Variants in TMEM196 observed in about 807,000 individuals in gnomAD.
The protein encoded by TMEM196 is transmembrane protein 196.
TMEM196 carries 17 observed loss-of-function variants against 20.0 expected under a neutral mutation model. That is an observed-to-expected ratio of 0.85 (90% CI 0.58 to 1.27). The LOEUF (loss-of-function observed/expected upper bound fraction) is 1.27, where lower values mean the gene tolerates loss of function less well. Ranked by LOEUF, TMEM196 falls within the 50% of genes most tolerant of loss-of-function variation. TMEM196 has a pLI of 0.00. For synonymous variants in TMEM196, 113 were observed against 88.9 expected, an observed-to-expected ratio of 1.27 and a Z score of -1.52; for missense variants, 267 against 223.0, an observed-to-expected ratio of 1.20 and a Z score of -1.26.
At chr7:19,735,456 C>T (rs889730262) in intron 1 of TMEM196, among the ~76,000 whole-genome samples, 2 of 152,134 alleles carry the variant, frequency 1.3e-5, no homozygotes, top group Admixed American at 6.5e-5. Flanking sequence ...CTCTGTCTCC[C>T]GCTCTTTCTT....
At chr7:19,746,865 G>C (rs1191676479) in intron 1 of TMEM196, among the ~76,000 whole-genome samples, 3 of 152,216 alleles carry the variant, frequency 2.0e-5, no homozygotes, top group African/African-American at 7.2e-5. Flanking sequence ...ACCTCAGCAG[G>C]AAGGAATTAT....
chr7:19,748,106 T>C (rs10239464), intron 1 of TMEM196, among the ~76,000 whole-genome samples: 2 of 151,960 alleles, frequency 1.3e-5, no homozygotes, highest in Non-Finnish European at 2.9e-5. Context: ...TTATTTATTA[T>C]GATTATGATT....
intron 1 of TMEM196, among the ~76,000 whole-genome samples, chr7:19,735,675 C>T (rs72591448): frequency 0.13 from 19,998 of 152,044 alleles, 1,848 homozygotes; most frequent in East Asian, 0.54. Context: ...TTCTATTAGC[C>T]GGCAGGGAGA....
chr7:19,758,617 G>T (rs1785309897), intron 1 of TMEM196, among the ~76,000 whole-genome samples: 1 of 152,148 alleles, frequency 6.6e-6, no homozygotes. Flanking sequence ...GATGAATTTA[G>T]AATAAATTAT....
intron 1 of TMEM196, among the ~76,000 whole-genome samples, chr7:19,768,912 T>G (rs1375861493): frequency 1.3e-5 from 2 of 152,206 alleles, no homozygotes; most frequent in Non-Finnish European, 2.9e-5. Flanking sequence ...AAGCCATCTT[T>G]CAGGTTTTTG....
At chr7:19,744,537 A>C in intron 1 of TMEM196, among the ~76,000 whole-genome samples, 1 of 151,992 alleles carries the variant, frequency 6.6e-6, no homozygotes, top group East Asian at 1.9e-4. Flanking sequence ...ATTTGGGAGC[A>C]TAAAAAACAT....
chr7:19,762,492 A>G (rs1466326308), intron 1 of TMEM196, among the ~76,000 whole-genome samples: 1 of 152,098 alleles, frequency 6.6e-6, no homozygotes, highest in African/African-American at 2.4e-5. Flanking sequence ...TATAGTTCAT[A>G]ATAACAATTT....
Position 19,721,647 on chromosome 7 carries a change from A to G in TMEM196, c.*481T>C, listed in dbSNP as rs1783816149. On this transcript the variant is annotated 3_prime_UTR_variant, in exon 5 of 5. Transcript: ENST00000405844. ...CATTACTGAGGTTTTGAATTGTAGC[A>G]TCCTTGAAGCCATCTGTCTTTCAGA... The G allele has an allele frequency of 6.5e-6, 1 of 152,776 alleles. No homozygotes were observed. Among genetic ancestry groups the G allele is most frequent in the Non-Finnish European group, 1.5e-5 (1 of 68,430 alleles). The allele number at this position is 152,776 out of a possible 1,614,324, so 9.5% of individuals were successfully genotyped here.
chr7:19,753,375 C>G (rs1342759611), intron 1 of TMEM196, among the ~76,000 whole-genome samples: 2 of 152,076 alleles, frequency 1.3e-5, no homozygotes, highest in African/African-American at 4.8e-5. Context: ...ATTTTCTTAC[C>G]CCTTCCCAAA....
chr7:19,726,394 A>T (rs6979824), intron 2 of TMEM196, among the ~76,000 whole-genome samples: 29,438 of 151,650 alleles, frequency 0.19, 2,960 homozygotes, highest in East Asian at 0.27. Flanking sequence ...CTCTTTTTTT[A>T]AAAAAAAGTT....
chr7:19,721,362 A>G lies in TMEM196; in HGVS notation c.*766T>C, dbSNP rs10266162. 27,085 of 151,932 alleles carry G rather than the reference A, an allele frequency of 0.18. 3,195 individuals are homozygous for G. The highest frequency in any genetic ancestry group is 0.58 in the East Asian group (3,013 of 5,174). The allele number at this position is 151,932 out of a possible 1,614,324, so 9.4% of individuals were successfully genotyped here. A position where few individuals can be genotyped will look rare whatever the true frequency, so the allele number is the denominator to read the frequency against. ...ACAGTATGTATACACACATTCACAC[A>G]CATACTTTATTCTTAGGCTCATTCA... On this transcript the variant is annotated 3_prime_UTR_variant, in exon 5 of 5. Coordinates refer to ENST00000405844, the MANE Select transcript of TMEM196 (RefSeq NM_001363562.2).
At chr7:19,745,069 T>C (rs993422717) in intron 1 of TMEM196, among the ~76,000 whole-genome samples, 2 of 152,164 alleles carry the variant, frequency 1.3e-5, no homozygotes, top group African/African-American at 4.8e-5. Context: ...AAGTCCCTTA[T>C]GTAACAAGGC....
Position 19,731,236 on chromosome 7 carries a change from T to A in TMEM196, c.148-1798A>T, listed in dbSNP as rs545820613. Among the ~76,000 whole-genome samples the A allele has an allele frequency of 2.0e-5, 3 of 152,294 alleles. No individual in the cohort carries two copies. In the South Asian group the frequency reaches 6.2e-4, roughly 32 times the overall value. ...TACTTTAGAAATAGATCTAATAAAA[T>A]ATTTTTAGTATTATAAAACCATGAG... On this transcript the variant is annotated intron_variant, in intron 1 of 4. Transcript: ENST00000405844.
intron 1 of TMEM196, among the ~76,000 whole-genome samples, chr7:19,746,161 G>T (rs1784742918): frequency 6.6e-6 from 1 of 152,132 alleles, no homozygotes; most frequent in African/African-American, 2.4e-5. Context: ...CAATGGAAAG[G>T]AGTTATATAG....
At chr7:19,738,154 AC>A (rs1247590814) in intron 1 of TMEM196, among the ~76,000 whole-genome samples, 1 of 152,068 alleles carries the variant, frequency 6.6e-6, no homozygotes, top group African/African-American at 2.4e-5. Flanking sequence ...GTTGTTTCCT[AC>A]AGGGTTACTG....
At chr7:19,726,705 T>C (rs1453780131) in intron 2 of TMEM196, among the ~76,000 whole-genome samples, 2 of 152,188 alleles carry the variant, frequency 1.3e-5, no homozygotes, top group Non-Finnish European at 2.9e-5. Flanking sequence ...GAGAAGTAAG[T>C]ACTTTGTGAA....
intron 1 of TMEM196, among the ~76,000 whole-genome samples, chr7:19,768,580 A>G (rs1768761681): frequency 6.6e-6 from 1 of 152,126 alleles, no homozygotes. Flanking sequence ...GTTATAATTC[A>G]CATGACTATA....
chr7:19,724,301 G>T lies in TMEM196; in HGVS notation c.512C>A (p.Pro171Gln). The T allele has an allele frequency of 6.5e-7, 1 of 1,550,180 alleles. No homozygotes were observed. The highest frequency in any genetic ancestry group is 8.7e-7 in the Non-Finnish European group (1 of 1,146,760). Residue 171 changes from proline (P) to glutamine (Q), a missense_variant, in exon 4 of 5, where the codon CCG (proline) becomes CAG (glutamine). By Grantham distance (76) the Pro-to-Gln change is moderately conservative. Transcript: ENST00000405844. ...TDLPSCPVVP[P>Q]TPELPTRK ...GTACCTTGTAGGTAACTCTGGTGTCGGGGGCACCACCGGGCAGCTGGGCAA... is the reference window on the plus strand; with the variant it reads ...GTACCTTGTAGGTAACTCTGGTGTCTGGGGCACCACCGGGCAGCTGGGCAA...
At chr7:19,733,028 T>C (rs900464965) in intron 1 of TMEM196, among the ~76,000 whole-genome samples, 1 of 152,146 alleles carries the variant, frequency 6.6e-6, no homozygotes, top group Non-Finnish European at 1.5e-5. Flanking sequence ...ATGGGATGTT[T>C]AAATCCAGGG....
Sources: gnomAD v4.1 joint callset for allele counts (sites outside exome capture counted in the v4.1 genomes callset) on GRCh38, gnomAD v4.1.1 for gene constraint, MANE v1.5 for transcripts, NCBI Gene and HGNC (gene_info 2026-07-23, HGNC 2026-07-21) for gene names.